FBXO8: variants seen among roughly 807,000 people sequenced by gnomAD.
The protein encoded by FBXO8 is F-box protein 8, also known as F-box only protein 8.
A neutral mutation model predicts 33.4 loss-of-function variants in FBXO8; 15 were observed. That is an observed-to-expected ratio of 0.45 (90% CI 0.30 to 0.69). The LOEUF (loss-of-function observed/expected upper bound fraction) is 0.69. FBXO8 is among the 30% of genes least tolerant of loss of function. FBXO8 has a pLI of 0.08. For missense variants in FBXO8, 274 were observed against 380.3 expected, an observed-to-expected ratio of 0.72 and a Z score of 2.32; for synonymous variants, 132 against 131.5, an observed-to-expected ratio of 1.00 and a Z score of -0.02.
rs1735919077 is a variant in FBXO8 at position 174,237,704 on chromosome 4, T to C, written c.773-105A>G. 2.0e-6 allele frequency: 2 copies of C among 986,916 alleles called. No individual in the cohort carries two copies. Among genetic ancestry groups the C allele is most frequent in the African/African-American group, 3.3e-5 (2 of 60,756 alleles). 61.1% of individuals were successfully genotyped at this position (986,916 alleles called of 1,614,324 possible). On this transcript the variant is annotated intron_variant, in intron 5 of 5. Transcript: ENST00000393674. The surrounding 1 kb of genome is among the most constrained non-coding windows in gnomAD (Gnocchi z 4.4). ...GTTCATAATTTCAAGATATCAAGAT[T>C]AGCTCATAAATACAGAGTGACCAAT...
intron 1 of FBXO8, among the ~76,000 whole-genome samples, chr4:174,279,971 C>T (rs1422481718): frequency 6.6e-6 from 1 of 151,362 alleles, no homozygotes; most frequent in Admixed American, 6.6e-5. Flanking sequence ...GCACAAGCAA[C>T]AAAAGAGGAA....
rs565310535 is a variant in FBXO8 at position 174,255,254 on chromosome 4, C to T, written c.456+4445G>A. 6.6e-6 allele frequency among the ~76,000 whole-genome samples: 1 copy of T among 152,216 alleles called. No homozygotes were observed. The highest frequency in any genetic ancestry group is 2.4e-5 in the African/African-American group (1 of 41,548). On this transcript the variant is annotated intron_variant, in intron 3 of 5. Coordinates refer to ENST00000393674, the MANE Select transcript of FBXO8 (RefSeq NM_012180.3). The surrounding 1 kb of genome is among the most constrained non-coding windows in gnomAD (Gnocchi z 4.3). ...AAGTTATTTTTCACCACTGTTGCTA[C>T]GCTATGAAGTAATGGTAATGACGAT...
chr4:174,249,916 T>G (rs553251445), intron 3 of FBXO8, among the ~76,000 whole-genome samples: 49 of 152,112 alleles, frequency 3.2e-4, no homozygotes, highest in African/African-American at 1.2e-3. Flanking sequence ...CAATACATAC[T>G]TCATGAAGGA....
At chr4:174,242,362 AT>A (rs907864857) in intron 3 of FBXO8, among the ~76,000 whole-genome samples, 53 of 151,570 alleles carry the variant, frequency 3.5e-4, no homozygotes, top group African/African-American at 1.2e-3. Flanking sequence ...TATGGTAAAA[AT>A]TTTTTTTAAG....
In FBXO8 at chr4:174,274,567, G is replaced by A. The variant is rs1025526710; in HGVS notation, c.-9+8843C>T. Among the ~76,000 whole-genome samples the A allele has an allele frequency of 7.2e-5, 11 of 152,090 alleles. No individual in the cohort carries two copies. Among genetic ancestry groups the A allele is most frequent in the African/African-American group, 2.2e-4 (9 of 41,404 alleles). ...CATAGCAAGGCCATAGTTCCAACACGCACTAGTTTCAGTTAACATGGTAAA... is the reference window on the plus strand; with the variant it reads ...CATAGCAAGGCCATAGTTCCAACACACACTAGTTTCAGTTAACATGGTAAA... On this transcript the variant is annotated intron_variant, in intron 1 of 5. Coordinates refer to ENST00000393674, the MANE Select transcript of FBXO8 (RefSeq NM_012180.3). The surrounding 1 kb of genome is among the most constrained non-coding windows in gnomAD (Gnocchi z 4.0).
At chr4:174,266,940 A>G (rs575410807) in intron 1 of FBXO8, among the ~76,000 whole-genome samples, 1 of 152,226 alleles carries the variant, frequency 6.6e-6, no homozygotes, top group Non-Finnish European at 1.5e-5. Flanking sequence ...AGCTTATTTA[A>G]TGATACTTAA....
chr4:174,277,069 T>G lies in FBXO8; in HGVS notation c.-9+6341A>C, dbSNP rs966869725. ...GTAGCAGTTTTAGTCTAACCAAGTC[T>G]GTTACAACAGCATAAAAGCGCTTCC... On this transcript the variant is annotated intron_variant, in intron 1 of 5. Transcript: ENST00000393674. This position sits in a 1 kb window ranked among gnomAD's most constrained non-coding sequence, Gnocchi z 4.9. 6.6e-6 allele frequency among the ~76,000 whole-genome samples: 1 copy of G among 152,196 alleles called. No individual in the cohort carries two copies. Among genetic ancestry groups the G allele is most frequent in the African/African-American group, 2.4e-5 (1 of 41,460 alleles).
intron 3 of FBXO8, among the ~76,000 whole-genome samples, chr4:174,258,919 G>A (rs181874325): frequency 2.0e-5 from 3 of 151,826 alleles, no homozygotes. Context: ...TGAAAATTAG[G>A]TAAATTAAAA....
rs1228678759 is a variant in FBXO8, at chr4:174,252,161, G to T, written c.456+7538C>A. On this transcript the variant is annotated intron_variant, in intron 3 of 5. Transcript: ENST00000393674. The surrounding 1 kb of genome is among the most constrained non-coding windows in gnomAD (Gnocchi z 5.1). Reference sequence around the variant, plus strand: ...TTTCTGTATTTTTTGTAGAGACAGGGTTTTACCATGTTGCCTGGGCTGGTC... The same window carrying T: ...TTTCTGTATTTTTTGTAGAGACAGGTTTTTACCATGTTGCCTGGGCTGGTC... 1.3e-5 allele frequency among the ~76,000 whole-genome samples: 2 copies of T among 151,982 alleles called. No homozygotes were observed. The highest frequency in any genetic ancestry group is 4.8e-5 in the African/African-American group (2 of 41,376).
At chr4:174,248,407 G>T (rs773504225) in intron 3 of FBXO8, among the ~76,000 whole-genome samples, 26 of 152,002 alleles carry the variant, frequency 1.7e-4, no homozygotes, top group Non-Finnish European at 3.1e-4. Flanking sequence ...CCATAACTAG[G>T]CTATTCACCA....
chr4:174,256,118 G>A lies in FBXO8; in HGVS notation c.456+3581C>T, dbSNP rs776372974. ...TACCCATATCCGTGACATGAACGGTGTCCTTTGGAGAATCTTGTTCCCTGT... is the reference window on the plus strand; with the variant it reads ...TACCCATATCCGTGACATGAACGGTATCCTTTGGAGAATCTTGTTCCCTGT... On this transcript the variant is annotated intron_variant, in intron 3 of 5. Coordinates refer to ENST00000393674, the MANE Select transcript of FBXO8 (RefSeq NM_012180.3). This position sits in a 1 kb window ranked among gnomAD's most constrained non-coding sequence, Gnocchi z 4.6. The A allele has an allele frequency of 2.0e-4, 90 of 455,984 alleles. No individual in the cohort carries two copies. Among genetic ancestry groups the A allele is most frequent in the Non-Finnish European group, 3.3e-4 (75 of 226,898 alleles). The allele number at this position is 455,984 out of a possible 1,614,324, so 28.2% of individuals were successfully genotyped here.
chr4:174,268,369 A>G (rs1489325702), intron 1 of FBXO8, among the ~76,000 whole-genome samples: 1 of 152,180 alleles, frequency 6.6e-6, no homozygotes, highest in African/African-American at 2.4e-5. Context: ...TCCATAAGGC[A>G]CAACACTTAG....
rs1388878462 is a variant in FBXO8 at position 174,275,932 on chromosome 4, G to A, written c.-9+7478C>T. Among the ~76,000 whole-genome samples, 2 of 152,038 alleles carry A rather than the reference G, an allele frequency of 1.3e-5. No individual in the cohort carries two copies. Among genetic ancestry groups the A allele is most frequent in the Admixed American group, 6.5e-5 (1 of 15,268 alleles). ...GTAAGGTACAAATGCAAAAAGGATC[G>A]ATATTTGTGTAACTCTTAGTCTAAT... is the stretch of plus-strand genomic sequence containing the variant. On this transcript the variant is annotated intron_variant, in intron 1 of 5. Transcript: ENST00000393674. This position sits in a 1 kb window ranked among gnomAD's most constrained non-coding sequence, Gnocchi z 4.4.
Position 174,259,819 on chromosome 4 carries a change from G to A in FBXO8, c.336C>T (p.Cys112=). Residue 112 remains cysteine, a synonymous_variant, in exon 3 of 6, where the codon TGC becomes TGT. Coordinates refer to ENST00000393674, the MANE Select transcript of FBXO8 (RefSeq NM_012180.3). The surrounding 1 kb of genome is among the most constrained non-coding windows in gnomAD (Gnocchi z 4.3). Reference sequence around the variant, plus strand: ...TGGAACAGTGACCCCAAGTGGATTTGCACAACCTATAAAATCAGAGAAAAT... The same window carrying A: ...TGGAACAGTGACCCCAAGTGGATTTACACAACCTATAAAATCAGAGAAAAT... ...ANDELLWQGL[C]KSTWGHCSIY... 1 of 1,582,058 alleles carries A rather than the reference G, an allele frequency of 6.3e-7. No individual in the cohort carries two copies. Among genetic ancestry groups the A allele is most frequent in the Admixed American group, 2.0e-5 (1 of 49,420 alleles).
At chr4:174,250,751 T>C (rs1579022898) in intron 3 of FBXO8, among the ~76,000 whole-genome samples, 1 of 152,130 alleles carries the variant, frequency 6.6e-6, no homozygotes, top group South Asian at 2.1e-4. Context: ...CATCCAAGAA[T>C]TGAGGAAATA....
intron 3 of FBXO8, among the ~76,000 whole-genome samples, chr4:174,248,481 A>T (rs1328890560): frequency 6.6e-6 from 1 of 151,978 alleles, no homozygotes; most frequent in East Asian, 1.9e-4. Flanking sequence ...AAGAAATGTA[A>T]AGATAGTTTT....
In FBXO8 at chr4:174,257,453, TG is replaced by T. The variant is rs146002223; in HGVS notation, c.456+2245del. On this transcript the variant is annotated intron_variant, in intron 3 of 5. Coordinates refer to ENST00000393674, the MANE Select transcript of FBXO8 (RefSeq NM_012180.3). This position sits in a 1 kb window ranked among gnomAD's most constrained non-coding sequence, Gnocchi z 4.3. ...TGTAACATTTGAAAGTGATATGAAT[TG>T]AAGATGACAGTTTTACTCAACATCA... Among the ~76,000 whole-genome samples, 361 of 152,240 alleles carry T rather than the reference TG, an allele frequency of 2.4e-3. No individual in the cohort carries two copies. The highest frequency in any genetic ancestry group is 8.4e-3 in the African/African-American group (350 of 41,548).
At chr4:174,264,670 T>A (rs1736647397) in intron 1 of FBXO8, among the ~76,000 whole-genome samples, 1 of 151,998 alleles carries the variant, frequency 6.6e-6, no homozygotes, top group Non-Finnish European at 1.5e-5. Context: ...ATATTAATAA[T>A]TTTAAAATGT....
intron 1 of FBXO8, among the ~76,000 whole-genome samples, chr4:174,279,075 T>C (rs1394770421): frequency 1.3e-5 from 2 of 151,782 alleles, no homozygotes; most frequent in Non-Finnish European, 2.9e-5. Context: ...AGAAAAAAAG[T>C]AAAAGACAAC....
Sources: gnomAD v4.1 joint callset for allele counts (sites outside exome capture counted in the v4.1 genomes callset) on GRCh38, gnomAD v4.1.1 for gene constraint, Gnocchi (gnomAD v3.1) non-coding constraint, MANE v1.5 for transcripts, NCBI Gene and HGNC (gene_info 2026-07-23, HGNC 2026-07-21) for gene names.